AGBL1: variants seen among roughly 807,000 people sequenced by gnomAD.
AGBL1 encodes the protein cytosolic carboxypeptidase 4.
Under a neutral mutation model 118.9 loss-of-function variants are expected in AGBL1, and 130 were observed. The observed-to-expected ratio is 1.09, with a 90% CI of 0.95 to 1.26. AGBL1 has a LOEUF of 1.26. Ranked by LOEUF, AGBL1 falls within the 50% of genes most tolerant of loss-of-function variation. The probability of loss-of-function intolerance (pLI) is 0.00; values close to 1 mark genes in which losing one functional copy is unlikely to be tolerated. For missense variants in AGBL1, 1,584 were observed against 1,298.1 expected (o/e 1.22, Z -3.38); for synonymous variants, 555 against 478.9 (o/e 1.16, Z -2.08).
At chr15:86,837,224 C>CAAAAAAAAA (rs71230682) in intron 22 of AGBL1, among the ~76,000 whole-genome samples, 1 of 137,524 alleles carries the variant, frequency 7.3e-6, no homozygotes, top group Non-Finnish European at 1.6e-5. Flanking sequence ...TCCTGACTAT[C>CAAAAAAAAA]AAAAAAAAAA....
chr15:86,624,197 A>T (rs987982879), intron 21 of AGBL1, among the ~76,000 whole-genome samples: 1 of 152,222 alleles, frequency 6.6e-6, no homozygotes, highest in Non-Finnish European at 1.5e-5. Context: ...AAACTTCTCT[A>T]GGCAGGCTTA....
chr15:86,379,263 G>T (rs1339017575), intron 17 of AGBL1, among the ~76,000 whole-genome samples: 3 of 151,884 alleles, frequency 2.0e-5, no homozygotes, highest in African/African-American at 7.3e-5. Context: ...AAAAACCCTT[G>T]TTCTTAACCA....
chr15:86,197,628 G>A (rs887649443), intron 5 of AGBL1, among the ~76,000 whole-genome samples: 10 of 152,168 alleles, frequency 6.6e-5, no homozygotes, highest in African/African-American at 2.2e-4. Context: ...CAAAGGAATT[G>A]TTAAGCAAAA....
intron 23 of AGBL1, among the ~76,000 whole-genome samples, chr15:86,961,146 G>T (rs1490464827): frequency 6.6e-6 from 1 of 151,992 alleles, no homozygotes; most frequent in Non-Finnish European, 1.5e-5. Context: ...ATGTTAATTA[G>T]CTTGATGTGG....
chr15:86,402,764 C>A (rs547564214), intron 18 of AGBL1, among the ~76,000 whole-genome samples: 4 of 152,176 alleles, frequency 2.6e-5, no homozygotes, highest in African/African-American at 9.6e-5. Context: ...ATAAGAGTGT[C>A]CAGTGAAATA....
chr15:86,213,729 T>A (rs963018117), intron 5 of AGBL1, among the ~76,000 whole-genome samples: 1 of 152,214 alleles, frequency 6.6e-6, no homozygotes, highest in African/African-American at 2.4e-5. Flanking sequence ...AATACAAGAA[T>A]AACTCTTTTT....
rs150076732 is a variant in AGBL1, at chr15:86,219,665, C to T, written c.489-5249C>T. Among the ~76,000 whole-genome samples, 48 of 152,204 alleles carry T rather than the reference C, an allele frequency of 3.2e-4. No individual in the cohort carries two copies. The East Asian group carries it at 7.6e-3, about 24-fold the overall frequency. On this transcript the variant is annotated intron_variant, in intron 5 of 22. Coordinates refer to ENST00000614907, the MANE Select transcript of AGBL1 (RefSeq NM_001386094.1). ...ATGACCACCATTGAACATCTAAACC[C>T]GCTTAAGCTGTACCACACTGTGCTA...
At chr15:86,537,743 C>A (rs1328918010) in intron 19 of AGBL1, among the ~76,000 whole-genome samples, 1 of 152,222 alleles carries the variant, frequency 6.6e-6, no homozygotes, top group African/African-American at 2.4e-5. Flanking sequence ...ATGGGTCCAT[C>A]TGCAAGTTGC....
At chr15:87,008,489 C>G (rs887057788) in intron 24 of AGBL1, among the ~76,000 whole-genome samples, 1 of 152,144 alleles carries the variant, frequency 6.6e-6, no homozygotes, top group East Asian at 1.9e-4. Context: ...TTTCCAGTCT[C>G]AGGGTATGAC....
intron 22 of AGBL1, among the ~76,000 whole-genome samples, chr15:86,742,573 A>T (rs982813731): frequency 1.3e-5 from 2 of 152,006 alleles, no homozygotes; most frequent in Admixed American, 1.3e-4. Flanking sequence ...GTTTGTCCCT[A>T]TGTTCTGCCT....
chr15:86,965,372 C>A (rs1044900052), intron 23 of AGBL1, among the ~76,000 whole-genome samples: 1 of 152,132 alleles, frequency 6.6e-6, no homozygotes, highest in East Asian at 1.9e-4. Context: ...TTGCATTTCT[C>A]CAAAGGCCAG....
At chr15:86,816,471 T>C (rs146633176) in intron 22 of AGBL1, among the ~76,000 whole-genome samples, 227 of 152,246 alleles carry the variant, frequency 1.5e-3, no homozygotes, top group African/African-American at 5.2e-3. Flanking sequence ...CAAAGAAATA[T>C]CAGGAGGATA....
At chr15:86,141,926 C>T in intron 1 of AGBL1, 78 bp from the exon 2 acceptor site, 3 of 1,368,638 alleles carry the variant, frequency 2.2e-6, no homozygotes, top group Non-Finnish European at 3.0e-6. Context: ...TAGAGCTCTG[C>T]CATTCCATGT....
rs1567078784 is a variant in AGBL1, at chr15:86,138,171, G to T, written c.52-3833G>T. The stretch of plus-strand genomic sequence containing the variant: ...TTCACCATCTGCTTTATTCAATCTG[G>T]TCATACTGCAGACAGATTCATCCCC... On this transcript the variant is annotated intron_variant, in intron 1 of 22. Transcript: ENST00000614907. The T allele has an allele frequency of 2.0e-5, 3 of 152,142 alleles. No individual in the cohort carries two copies. In the South Asian group the frequency reaches 6.2e-4, roughly 31 times the overall value. 9.4% of individuals were successfully genotyped at this position (152,142 alleles called of 1,614,324 possible).
At chr15:86,516,175 T>C (rs981744045) in intron 18 of AGBL1, among the ~76,000 whole-genome samples, 33 of 152,204 alleles carry the variant, frequency 2.2e-4, no homozygotes, top group African/African-American at 7.5e-4. Context: ...AGCCATTATA[T>C]ATGCATTTGT....
intron 7 of AGBL1, among the ~76,000 whole-genome samples, chr15:86,250,125 C>G (rs1044372135): frequency 6.6e-6 from 1 of 152,128 alleles, no homozygotes; most frequent in Non-Finnish European, 1.5e-5. Context: ...GTAAATAGGC[C>G]ATGACACATC....
chr15:86,927,973 A>C (rs1235254481), intron 23 of AGBL1, among the ~76,000 whole-genome samples: 2 of 152,108 alleles, frequency 1.3e-5, no homozygotes, highest in Admixed American at 6.6e-5. Flanking sequence ...GTATATTGTG[A>C]GCATGTGTGT....
chr15:86,209,003 A>C (rs529483042), intron 5 of AGBL1, among the ~76,000 whole-genome samples: 265 of 152,194 alleles, frequency 1.7e-3, no homozygotes, highest in Non-Finnish European at 3.1e-3. Context: ...CCCAGAGATT[A>C]TGGTATGTTG....
chr15:86,344,066 A>T (rs1452773468), intron 17 of AGBL1, among the ~76,000 whole-genome samples: 1 of 152,232 alleles, frequency 6.6e-6, no homozygotes, highest in Non-Finnish European at 1.5e-5. Flanking sequence ...CACATTTGGA[A>T]AGGTCAGTTT....
Sources: allele counts gnomAD v4.1 joint callset (sites outside exome capture counted in the v4.1 genomes callset), GRCh38; gene constraint gnomAD v4.1.1; transcripts MANE v1.5; gene names NCBI Gene and HGNC (gene_info 2026-07-23, HGNC 2026-07-21).